TTC29: variants seen among roughly 807,000 people sequenced by gnomAD.
The protein encoded by TTC29 is tetratricopeptide repeat domain 29, also known as tetratricopeptide repeat protein 29.
In TTC29, 49 loss-of-function variants were observed where a neutral mutation model predicts 58.1. The ratio of observed to expected loss-of-function variants is 0.84; its 90% CI spans 0.67 to 1.07. TTC29 has a LOEUF of 1.07. TTC29 is among the 50% of genes least tolerant of loss of function. TTC29 has a pLI of 0.00. For missense variants in TTC29, 582 were observed against 555.6 expected, an observed-to-expected ratio of 1.05 and a Z score of -0.48; for synonymous variants, 209 against 196.8, an observed-to-expected ratio of 1.06 and a Z score of -0.52.
chr4:146,837,415 G>A (rs923787401), intron 8 of TTC29, among the ~76,000 whole-genome samples: 11 of 152,020 alleles, frequency 7.2e-5, no homozygotes, highest in African/African-American at 2.2e-4. Flanking sequence ...GTACCCAGGT[G>A]ATGAAATAAT....
At chr4:146,854,890 T>C (rs1240423760) in intron 8 of TTC29, among the ~76,000 whole-genome samples, 9 of 152,340 alleles carry the variant, frequency 5.9e-5, no homozygotes, top group African/African-American at 2.2e-4. Flanking sequence ...CACACATCTA[T>C]ATAATCAACC....
chr4:146,726,102 T>C (rs1743764067), intron 11 of TTC29, among the ~76,000 whole-genome samples: 1 of 152,104 alleles, frequency 6.6e-6, no homozygotes, highest in Non-Finnish European at 1.5e-5. Context: ...CTCAAACTCC[T>C]GTCCTCAAGT....
chr4:146,820,368 T>A, intron 9 of TTC29, 120 bp from the exon 10 acceptor site: 1 of 1,140,944 alleles, frequency 8.8e-7, no homozygotes, highest in Non-Finnish European at 1.2e-6. Flanking sequence ...TAATAAGATT[T>A]AATGTGTAAA....
intron 8 of TTC29, among the ~76,000 whole-genome samples, chr4:146,856,687 TATTA>T (rs965507217): frequency 1.5e-3 from 203 of 133,488 alleles, no homozygotes; most frequent in Non-Finnish European, 1.6e-3. Flanking sequence ...CATTATTATT[TATTA>T]ATTAATTAAA....
intron 10 of TTC29, among the ~76,000 whole-genome samples, chr4:146,808,060 T>G (rs116122492): frequency 0.013 from 2,042 of 152,204 alleles, 47 homozygotes; most frequent in African/African-American, 0.047. Flanking sequence ...TTGGCTTCAT[T>G]CCTGGGATGC....
intron 6 of TTC29, among the ~76,000 whole-genome samples, chr4:146,888,902 C>T (rs1028946963): frequency 1.3e-5 from 2 of 152,088 alleles, no homozygotes; most frequent in Non-Finnish European, 2.9e-5. Context: ...GCAAGATCTA[C>T]GATGATTAAA....
At chr4:146,840,674 G>C (rs1359340618) in intron 8 of TTC29, among the ~76,000 whole-genome samples, 1 of 151,950 alleles carries the variant, frequency 6.6e-6, no homozygotes, top group Non-Finnish European at 1.5e-5. Flanking sequence ...TTGGGCAACG[G>C]GAAGACAATT....
intron 11 of TTC29, among the ~76,000 whole-genome samples, chr4:146,785,017 C>A (rs747483554): frequency 2.6e-5 from 4 of 152,010 alleles, no homozygotes; most frequent in Non-Finnish European, 5.9e-5. Context: ...TTGTAAGATC[C>A]TTTTGTTCCT....
chr4:146,713,837 A>G (rs1021656569), intron 11 of TTC29, among the ~76,000 whole-genome samples: 3 of 152,168 alleles, frequency 2.0e-5, no homozygotes, highest in East Asian at 3.8e-4. Context: ...ACATAGAATG[A>G]TACTGAATTT....
chr4:146,941,018 G>A (rs985632502), intron 2 of TTC29, among the ~76,000 whole-genome samples: 1 of 152,186 alleles, frequency 6.6e-6, no homozygotes, highest in Non-Finnish European at 1.5e-5. Context: ...GTGCCAGAGT[G>A]GTGAGCAATT....
intron 10 of TTC29, among the ~76,000 whole-genome samples, chr4:146,810,867 CTA>C (rs1488241094): frequency 1.3e-5 from 2 of 148,562 alleles, no homozygotes; most frequent in Admixed American, 7.0e-5. Context: ...GCTGGGATTA[CTA>C]TGTTTTGTTT....
intron 4 of TTC29, among the ~76,000 whole-genome samples, chr4:146,927,619 CTATAG>C (rs1177387332): frequency 6.6e-6 from 1 of 151,954 alleles, no homozygotes; most frequent in East Asian, 1.9e-4. Context: ...ATAGAACATA[CTATAG>C]TATGTTAAAT....
chr4:146,748,422 C>A (rs1745710796), intron 11 of TTC29, among the ~76,000 whole-genome samples: 1 of 152,302 alleles, frequency 6.6e-6, no homozygotes, highest in South Asian at 2.1e-4. Context: ...ACTGCCACTC[C>A]AAACACCTGT....
chr4:146,930,659 C>T (rs1006432073), intron 4 of TTC29, among the ~76,000 whole-genome samples: 1 of 152,256 alleles, frequency 6.6e-6, no homozygotes, highest in Non-Finnish European at 1.5e-5. Context: ...TGAAAAGGGT[C>T]TAAATAGTTT....
At chr4:146,920,068 C>T (rs1482961522) in intron 4 of TTC29, among the ~76,000 whole-genome samples, 1 of 150,944 alleles carries the variant, frequency 6.6e-6, no homozygotes, top group Non-Finnish European at 1.5e-5. Flanking sequence ...ATTATTCACC[C>T]CGCCTTTTAT....
At chr4:146,801,504 A>T (rs1228309715) in intron 11 of TTC29, among the ~76,000 whole-genome samples, 1 of 152,114 alleles carries the variant, frequency 6.6e-6, no homozygotes. Context: ...ATTTTATAGC[A>T]TTCTGAACAA....
At chr4:146,744,401 AAAG>A (rs1316874463) in intron 11 of TTC29, among the ~76,000 whole-genome samples, 5 of 151,976 alleles carry the variant, frequency 3.3e-5, no homozygotes, top group African/African-American at 7.3e-5. Context: ...GAGGATGAGG[AAAG>A]AAGGAGTGGG....
intron 11 of TTC29, among the ~76,000 whole-genome samples, chr4:146,708,966 G>T (rs1201784583): frequency 1.3e-5 from 2 of 151,554 alleles, no homozygotes; most frequent in Non-Finnish European, 2.9e-5. Context: ...GTTCTTTCAG[G>T]ACCCTTGCCC....
At chr4:146,867,154 T>C (rs1177840747) in intron 8 of TTC29, among the ~76,000 whole-genome samples, 1 of 152,176 alleles carries the variant, frequency 6.6e-6, no homozygotes, top group African/African-American at 2.4e-5. Flanking sequence ...AAAATGACTG[T>C]AATTTCTTTT....
Sources: gnomAD v4.1 joint callset for allele counts (sites outside exome capture counted in the v4.1 genomes callset) on GRCh38, gnomAD v4.1.1 for gene constraint, MANE v1.5 for transcripts, NCBI Gene and HGNC (gene_info 2026-07-23, HGNC 2026-07-21) for gene names.